The following SV2C variants were observed in gnomAD, a reference collection of about 807,000 sequenced individuals.
SV2C encodes the protein synaptic vesicle glycoprotein 2C, also known as solute carrier family 22 member B3.
A neutral mutation model predicts 79.7 loss-of-function variants in SV2C; 49 were observed. That is an observed-to-expected ratio of 0.61 (90% CI 0.49 to 0.78). The LOEUF is 0.78. Among genes scored for constraint, SV2C ranks in the 30% least tolerant of loss-of-function variants. The pLI, the probability that SV2C is intolerant of heterozygous loss-of-function variation, is 0.00. For missense variants in SV2C, 833 were observed against 912.9 expected, an observed-to-expected ratio of 0.91 and a Z score of 1.13; for synonymous variants, 334 against 333.2, an observed-to-expected ratio of 1.00 and a Z score of -0.03.
At chr5:76,217,172 T>C (rs536314535) in intron 4 of SV2C, among the ~76,000 whole-genome samples, 1 of 152,284 alleles carries the variant, frequency 6.6e-6, no homozygotes, top group Admixed American at 6.5e-5. Context: ...AGGGTCAAAC[T>C]TGGGGCTCCC....
Position 76,095,577 on chromosome 5 carries a change from A to G in SV2C, c.-102+12065A>G, listed in dbSNP as rs1042653682. On this transcript the variant is annotated intron_variant, in intron 1 of 12. Transcript: ENST00000502798. Reference sequence around the variant, plus strand: ...TCTCAGGTCAGTCAAGTTTTTATATAGAGTCTTCCAAAGTCATGTGGCATT... The same window carrying G: ...TCTCAGGTCAGTCAAGTTTTTATATGGAGTCTTCCAAAGTCATGTGGCATT... Among the ~76,000 whole-genome samples the G allele has an allele frequency of 2.7e-4, 41 of 152,144 alleles. 1 individual carries two copies. The highest frequency in any genetic ancestry group is 2.9e-5 in the Non-Finnish European group (2 of 67,976).
the SV2C span, among the ~76,000 whole-genome samples, chr5:76,046,421 G>A: frequency 1.2e-4 from 19 of 152,196 alleles, no homozygotes; most frequent in African/African-American, 4.3e-4. Context: ...ATTGAGTCTT[G>A]AAAGAGGAGA....
downstream of SV2C, among the ~76,000 whole-genome samples, chr5:76,337,729 G>T (rs1014286506): frequency 6.6e-6 from 1 of 152,124 alleles, no homozygotes; most frequent in Non-Finnish European, 1.5e-5. Context: ...AGATAATTCT[G>T]GGGGAGACCT....
At position 76,176,989 on chromosome 5, in the gene SV2C, T is replaced by C. The variant is rs975342482; in HGVS notation, c.581-17930T>C. Among the ~76,000 whole-genome samples, 12 of 151,356 alleles carry C rather than the reference T, an allele frequency of 7.9e-5. No individual in the cohort carries two copies. The East Asian group carries it at 1.6e-3, about 20-fold the overall frequency. ...AATTAGCCGAGCACGGTGGCGGGCG[T>C]CTGTAGTCCCAGCTACTCGGGAGGC... On this transcript the variant is annotated intron_variant, in intron 2 of 12. Coordinates refer to ENST00000502798, the MANE Select transcript of SV2C (RefSeq NM_014979.4).
At chr5:76,101,922 G>T (rs1015576983) in intron 1 of SV2C, among the ~76,000 whole-genome samples, 1 of 152,156 alleles carries the variant, frequency 6.6e-6, no homozygotes, top group African/African-American at 2.4e-5. Flanking sequence ...CATTTGCAAG[G>T]TTCCCAACAC....
the SV2C span, among the ~76,000 whole-genome samples, chr5:75,996,678 T>A: frequency 6.6e-6 from 1 of 152,106 alleles, no homozygotes; most frequent in African/African-American, 2.4e-5. Flanking sequence ...GGTTTGTAGT[T>A]CTCCTTGAAG....
the SV2C span, among the ~76,000 whole-genome samples, chr5:76,050,085 C>T: frequency 0.58 from 88,326 of 152,020 alleles, 27,659 homozygotes; most frequent in African/African-American, 0.82. Flanking sequence ...CATAAAGGCA[C>T]TGAGAGGAAT....
intron 12 of SV2C, among the ~76,000 whole-genome samples, chr5:76,343,638 A>G (rs1749485406): frequency 6.6e-6 from 1 of 152,246 alleles, no homozygotes; most frequent in South Asian, 2.1e-4. Flanking sequence ...TGACCACATT[A>G]GAAACATGTT....
chr5:76,263,801 G>A (rs572124820), intron 4 of SV2C, among the ~76,000 whole-genome samples: 54 of 152,196 alleles, frequency 3.5e-4, no homozygotes, highest in Non-Finnish European at 7.1e-4. Context: ...ACTCTCTTCC[G>A]GTGAGTAGGG....
chr5:75,920,808 G>T, the SV2C span: 1 of 771,648 alleles, frequency 1.3e-6, no homozygotes, highest in Non-Finnish European at 2.4e-6. Flanking sequence ...GGACTTGCCA[G>T]GCGAGACGTT....
At chr5:76,126,892 A>G (rs774156213) in intron 1 of SV2C, among the ~76,000 whole-genome samples, 1 of 152,092 alleles carries the variant, frequency 6.6e-6, no homozygotes, top group Non-Finnish European at 1.5e-5. Flanking sequence ...CAGTTTTCTT[A>G]TCTGTGAAGT....
In SV2C at chr5:76,294,404, C is replaced by T. The variant is rs1747672871; in HGVS notation, c.1338-1374C>T. Among the ~76,000 whole-genome samples, 6 of 149,180 alleles carry T rather than the reference C, an allele frequency of 4.0e-5. No homozygotes were observed. In the Admixed American group the frequency reaches 4.1e-4, roughly 10 times the overall value. On this transcript the variant is annotated intron_variant, in intron 8 of 12. Coordinates refer to ENST00000502798, the MANE Select transcript of SV2C (RefSeq NM_014979.4). ...GCAACCTCCGACTCCCTGGTTCAAG[C>T]TATTCTTCTGCCTCAGTTTCCTGAG... is the stretch of plus-strand genomic sequence containing the variant.
chr5:75,867,508 T>G, the SV2C span, among the ~76,000 whole-genome samples: 3 of 152,298 alleles, frequency 2.0e-5, no homozygotes, highest in African/African-American at 7.2e-5. Flanking sequence ...ATTCCTGGAC[T>G]GGACTGAGGA....
At chr5:75,936,677 G>A in the SV2C span, among the ~76,000 whole-genome samples, 1 of 152,170 alleles carries the variant, frequency 6.6e-6, no homozygotes, top group Non-Finnish European at 1.5e-5. Flanking sequence ...GGGATAGCTG[G>A]TATTGAGATA....
At chr5:76,284,722 C>G (rs947406906) in intron 4 of SV2C, among the ~76,000 whole-genome samples, 1 of 152,218 alleles carries the variant, frequency 6.6e-6, no homozygotes, top group Non-Finnish European at 1.5e-5. Context: ...CTCTTGCCTT[C>G]CTTCCTTTAT....
intron 12 of SV2C, among the ~76,000 whole-genome samples, chr5:76,349,113 T>C (rs1285448111): frequency 6.6e-6 from 1 of 152,256 alleles, no homozygotes; most frequent in Non-Finnish European, 1.5e-5. Flanking sequence ...CTGTCCCTCA[T>C]TTGTTTCATC....
the SV2C span, among the ~76,000 whole-genome samples, chr5:75,995,433 T>G: frequency 6.6e-6 from 1 of 152,120 alleles, no homozygotes; most frequent in Non-Finnish European, 1.5e-5. Context: ...CTTCCTAGAT[T>G]GATTGGCAGA....
chr5:76,130,164 AAAAAAAAAAAAAAAAAG>A (rs1386770053), intron 1 of SV2C, among the ~76,000 whole-genome samples: 10 of 146,228 alleles, frequency 6.8e-5, no homozygotes, highest in Non-Finnish European at 1.0e-4. Flanking sequence ...AAAAAAAAAA[AAAAAAAAAAAAAAAAAG>A]AGCTGGGGGA....
intron 4 of SV2C, among the ~76,000 whole-genome samples, chr5:76,249,157 T>C (rs552167430): frequency 1.3e-5 from 2 of 152,322 alleles, no homozygotes; most frequent in South Asian, 4.1e-4. Flanking sequence ...TAGTCTCTCT[T>C]TGAGGGACAC....
Sources: gnomAD v4.1 joint callset for allele counts (sites outside exome capture counted in the v4.1 genomes callset) on GRCh38, gnomAD v4.1.1 for gene constraint, MANE v1.5 for transcripts, NCBI Gene and HGNC (gene_info 2026-07-23, HGNC 2026-07-21) for gene names.